Variants in FTSJ1 observed in about 807,000 individuals in gnomAD.
The protein encoded by FTSJ1 is FtsJ RNA 2'-O-methyltransferase 1.
A neutral mutation model predicts 28.5 loss-of-function variants in FTSJ1; 3 were observed. That is an observed-to-expected ratio of 0.11 (90% CI 0.05 to 0.27). FTSJ1 has a LOEUF of 0.27. Among genes scored for constraint, FTSJ1 ranks in the 10% least tolerant of loss-of-function variants. FTSJ1 has a pLI of 1.00. For synonymous variants in FTSJ1, 104 were observed against 113.9 expected, an observed-to-expected ratio of 0.91 and a Z score of 0.55; for missense variants, 162 against 279.0, an observed-to-expected ratio of 0.58 and a Z score of 2.99.
At chrX:48,477,823 G>A (rs782405089) in intron 1 of FTSJ1, 138 bp from the exon 2 acceptor site, 2 of 449,431 alleles carry the variant, frequency 4.5e-6, no homozygotes, top group South Asian at 3.1e-5. Context: ...GAGCCTGAGA[G>A]TTCAGTGATT....
At position 48,478,516 on chromosome X, in the gene FTSJ1, C is replaced by G. The variant is rs782770247; in HGVS notation, c.189C>G (p.Ile63Met). 3.3e-6 allele frequency: 4 copies of G among 1,207,420 alleles called. No individual in the cohort carries two copies. Among genetic ancestry groups the G allele is most frequent in the Admixed American group, 4.4e-5 (2 of 45,794 alleles). Residue 63 changes from isoleucine to methionine, a missense_variant and splice_region_variant, in exon 3 of 13, where the codon ATC (isoleucine) becomes ATG (methionine). Ile to Met is a conservative substitution (Grantham distance 10, BLOSUM62 1). Coordinates refer to ENST00000348411, the MANE Select transcript of FTSJ1 (RefSeq NM_012280.4). ...GSWSQVLSQK[I>M]GGQGSGHVVA... ...GGAGCCAGGTGCTGAGCCAGAAGATCGGGTAAGTGTGGGGGTCCCAGATGG... is the reference window on the plus strand; with the variant it reads ...GGAGCCAGGTGCTGAGCCAGAAGATGGGGTAAGTGTGGGGGTCCCAGATGG...
intron 5 of FTSJ1, among the ~76,000 whole-genome samples, chrX:48,480,381 G>A (rs1219857933): frequency 1.8e-5 from 2 of 110,744 alleles, no homozygotes; most frequent in Non-Finnish European, 3.8e-5. Flanking sequence ...CTATGTATGA[G>A]TAATGACAAG....
In FTSJ1 at chrX:48,481,222, CCCTGA is replaced by C; in HGVS notation, c.414+22_414+26del. 1.7e-6 allele frequency: 2 copies of C among 1,205,313 alleles called. No homozygotes were observed. The highest frequency in any genetic ancestry group is 2.2e-6 in the Non-Finnish European group (2 of 890,119). On this transcript the variant is annotated intron_variant, in intron 6 of 12. Transcript: ENST00000348411. ...CCTAGCTGTGAGTAACCCTGGCCAC[CCCTGA>C]CCCACTTTGGCCCCCTCCTGGCTGT...
chrX:48,484,680 A>G (rs1291217786), intron 12 of FTSJ1, among the ~76,000 whole-genome samples: 1 of 111,665 alleles, frequency 9.0e-6, no homozygotes, highest in African/African-American at 3.3e-5. Flanking sequence ...GAGCCACCAC[A>G]CCTGGCCACA....
Position 48,481,586 on chromosome X carries a change from C to T in FTSJ1, c.572-46C>T, listed in dbSNP as rs782236567. On this transcript the variant is annotated intron_variant, in intron 8 of 12. Transcript: ENST00000348411. ...GGGGATCTCTGGGACGCCGACTGCACGAGGAGGAAGCGGCAGTCATGCCTC... is the reference window on the plus strand; with the variant it reads ...GGGGATCTCTGGGACGCCGACTGCATGAGGAGGAAGCGGCAGTCATGCCTC... The T allele has an allele frequency of 2.1e-5, 24 of 1,149,076 alleles. No individual in the cohort carries two copies. In the Admixed American group the frequency reaches 4.8e-4, roughly 23 times the overall value. The allele number at this position is 1,149,076 out of a possible 1,213,427, so 94.7% of individuals were successfully genotyped here.
intron 5 of FTSJ1, among the ~76,000 whole-genome samples, chrX:48,480,087 T>C (rs182108145): frequency 3.2e-4 from 35 of 109,977 alleles, no homozygotes; most frequent in African/African-American, 1.1e-3. Flanking sequence ...GAGGTTGCAG[T>C]GAGCTGAGAT....
Position 48,478,691 on chromosome X carries a change from AG to A in FTSJ1, c.271del (p.Asp91ThrfsTer22). The A allele has an allele frequency of 8.3e-7, 1 of 1,199,028 alleles. No individual in the cohort carries two copies. Reference protein sequence around the residue: ...MAPLPGVVQIQGDITQLSTAK... With the variant: ...MAPLPGVVQIXGDITQLSTAK... Reference sequence around the variant, plus strand: ...CCACTACCAGGTGTGGTACAGATCCAGGGGGACATCACCCAGGTAAGAGCAT... The same window carrying A: ...CCACTACCAGGTGTGGTACAGATCCAGGGGACATCACCCAGGTAAGAGCAT... On this transcript the variant is annotated frameshift_variant, in exon 4 of 13. Transcript: ENST00000348411. LOFTEE classifies it high-confidence loss of function.
At chrX:48,484,421 C>T (rs1248965611) in intron 12 of FTSJ1, among the ~76,000 whole-genome samples, 1 of 107,659 alleles carries the variant, frequency 9.3e-6, no homozygotes, top group Non-Finnish European at 1.9e-5. Context: ...GCTCTGTCGC[C>T]CAGGCTGGGT....
chrX:48,478,618 G>T lies in FTSJ1; in HGVS notation c.193G>T (p.Gly65Cys), dbSNP rs782360834. 11 of 1,205,757 alleles carry T rather than the reference G, an allele frequency of 9.1e-6. No homozygotes were observed. Among genetic ancestry groups the T allele is most frequent in the Non-Finnish European group, 1.2e-5 (11 of 891,882 alleles). The change falls in exon 4 of 13, where the codon GGC becomes TGC. Residue 65 changes from glycine (G) to cysteine (C), a missense_variant and splice_region_variant. Transcript: ENST00000348411. ...WSQVLSQKIG[G>C]QGSGHVVAVD... is the part of the protein sequence containing the mutation. ...TGATGTGGGCCATGTTGTCCACAGG[G>T]GCCAAGGGTCCGGCCACGTGGTGGC...
intron 1 of FTSJ1, among the ~76,000 whole-genome samples, chrX:48,477,085 G>A (rs1457848779): frequency 9.0e-6 from 1 of 110,597 alleles, no homozygotes; most frequent in Non-Finnish European, 1.9e-5. Flanking sequence ...GGAATTAGGG[G>A]ACAGAGTGAG....
rs782770247 is a variant in FTSJ1 at position 48,478,516 on chromosome X, C to T, written c.189C>T (p.Ile63=). 12 of 1,207,420 alleles carry T rather than the reference C, an allele frequency of 9.9e-6. No homozygotes were observed. Among genetic ancestry groups the T allele is most frequent in the South Asian group, 3.5e-5 (2 of 56,737 alleles). ...GSWSQVLSQK[I]GGQGSGHVVA... The stretch of plus-strand genomic sequence containing the variant: ...GGAGCCAGGTGCTGAGCCAGAAGAT[C>T]GGGTAAGTGTGGGGGTCCCAGATGG... Residue 63 remains isoleucine (I), a splice_region_variant and synonymous_variant, in exon 3 of 13, where the codon ATC becomes ATT. Transcript: ENST00000348411.
intron 12 of FTSJ1, 154 bp downstream of exon 12, chrX:48,483,181 T>C: frequency 2.0e-6 from 1 of 487,923 alleles, no homozygotes; most frequent in Non-Finnish European, 3.6e-6. Context: ...AGGAACTGCT[T>C]TAAGCATTTT....
At chrX:48,482,282 G>A in intron 9 of FTSJ1, 121 bp from the exon 10 acceptor site, 1 of 520,665 alleles carries the variant, frequency 1.9e-6, no homozygotes, top group Non-Finnish European at 3.4e-6. Context: ...ATTTCTGGTG[G>A]GGTGGGAAGA....
chrX:48,481,578 C>T (rs1556968586), intron 8 of FTSJ1, 50 bp downstream of exon 8: 7 of 1,150,732 alleles, frequency 6.1e-6, no homozygotes, highest in South Asian at 3.6e-5. Flanking sequence ...TCTGGGACGC[C>T]GACTGCACGA....
intron 12 of FTSJ1, among the ~76,000 whole-genome samples, chrX:48,485,015 G>A (rs923485094): frequency 9.0e-6 from 1 of 111,386 alleles, no homozygotes; most frequent in African/African-American, 3.3e-5. Flanking sequence ...CCTAGAGGCC[G>A]GGTGCCGTGG....
intron 12 of FTSJ1, 144 bp downstream of exon 12, chrX:48,483,171 A>C (rs918309599): frequency 3.9e-6 from 2 of 516,718 alleles, no homozygotes; most frequent in Non-Finnish European, 6.8e-6. Flanking sequence ...GTTGTATGCC[A>C]GGAACTGCTT....
chrX:48,484,739 A>G (rs1320540230), intron 12 of FTSJ1, among the ~76,000 whole-genome samples: 6 of 112,257 alleles, frequency 5.3e-5, no homozygotes, highest in Admixed American at 1.9e-4. Flanking sequence ...TGTGTGAAAG[A>G]GATTTACAGT....
At position 48,478,035 on chromosome X, in the gene FTSJ1, A is replaced by G. The variant is rs782678280; in HGVS notation, c.-13A>G. On this transcript the variant is annotated 5_prime_UTR_variant, in exon 2 of 13. Coordinates refer to ENST00000348411, the MANE Select transcript of FTSJ1 (RefSeq NM_012280.4). The stretch of plus-strand genomic sequence containing the variant: ...TGGACTGTCGGCAGGTCCTTGAGCA[A>G]CTGGTGTGTGAAATGGGACGGACGT... The G allele has an allele frequency of 9.1e-6, 11 of 1,209,860 alleles. No individual in the cohort carries two copies. In the South Asian group the frequency reaches 1.9e-4, roughly 21 times the overall value.
chrX:48,476,608 G>A, intron 1 of FTSJ1: 1 of 191,857 alleles, frequency 5.2e-6, no homozygotes. Context: ...GACATGGGAC[G>A]CAGCGGTCGG....
Sources: gnomAD v4.1 joint callset for allele counts (sites outside exome capture counted in the v4.1 genomes callset) on GRCh38, gnomAD v4.1.1 for gene constraint, MANE v1.5 for transcripts, NCBI Gene and HGNC (gene_info 2026-07-23, HGNC 2026-07-21) for gene names.